Variants in DDX42 observed in about 807,000 individuals in gnomAD.
DDX42 encodes ATP-dependent RNA helicase DDX42.
Under a neutral mutation model 101.5 loss-of-function variants are expected in DDX42, and 22 were observed. That is an observed-to-expected ratio of 0.22 (90% CI 0.15 to 0.31). DDX42 has a LOEUF of 0.31. Ranked by LOEUF, DDX42 falls within the 10% of genes least tolerant of loss-of-function variation. DDX42 has a pLI of 1.00. For synonymous variants in DDX42, 402 were observed against 401.2 expected (o/e 1.00, Z -0.02); for missense variants, 849 against 1,199.9 (o/e 0.71, Z 4.32).
At chr17:63,800,259 T>C in intron 5 of DDX42, 7 of 491,256 alleles carry the variant, frequency 1.4e-5, no homozygotes, top group Admixed American at 3.7e-5. Flanking sequence ...AGTTGCAACA[T>C]TTAATAGTAC....
At chr17:63,791,686 C>T (rs2039629638) in intron 2 of DDX42, among the ~76,000 whole-genome samples, 1 of 152,060 alleles carries the variant, frequency 6.6e-6, no homozygotes, top group Non-Finnish European at 1.5e-5. Context: ...GGTTTTTGGT[C>T]TTAAAAGAAT....
chr17:63,790,243 C>T (rs1432018799), intron 2 of DDX42, among the ~76,000 whole-genome samples: 5 of 152,098 alleles, frequency 3.3e-5, no homozygotes, highest in Admixed American at 6.6e-5. Flanking sequence ...ATATATATTG[C>T]ATCGTATAGT....
Position 63,778,292 on chromosome 17 carries a change from A to G in DDX42, c.-17+3916A>G, listed in dbSNP as rs1230509432. 2.0e-5 allele frequency among the ~76,000 whole-genome samples: 3 copies of G among 152,354 alleles called. No homozygotes were observed. In the East Asian group the frequency reaches 5.8e-4, roughly 29 times the overall value. ...AAGATTTGCTGGTTTTAGATGAAGCATCTGGATGTACATCCACATTACTTT... is the reference window on the plus strand; with the variant it reads ...AAGATTTGCTGGTTTTAGATGAAGCGTCTGGATGTACATCCACATTACTTT... On this transcript the variant is annotated intron_variant, in intron 1 of 17. Coordinates refer to ENST00000389924, the MANE Select transcript of DDX42 (RefSeq NM_203499.3).
intron 4 of DDX42, 176 bp from the exon 5 acceptor site, chr17:63,799,413 C>T (rs1262263808): frequency 5.7e-6 from 3 of 530,536 alleles, no homozygotes; most frequent in African/African-American, 1.9e-5. Context: ...TTATAGAGTG[C>T]AGCTACACAT....
rs112345375 is a variant in DDX42, at chr17:63,817,805, A to G, written c.2224A>G (p.Thr742Ala). The G allele has an allele frequency of 6.3e-3, 10,234 of 1,614,082 alleles. 44 individuals carry two copies. The highest frequency in any genetic ancestry group is 7.7e-3 in the Non-Finnish European group (9,139 of 1,180,010). The change falls in exon 18 of 18, where the codon ACT (threonine) becomes GCT (alanine). Residue 742 changes from threonine to alanine, a missense_variant. Physicochemically the swap from Thr to Ala is moderately conservative, Grantham distance 58 (BLOSUM62 0). Around this residue, in one of 5 missense-constraint regions of DDX42, gnomAD observed 300 missense variants for 304.9 expected, o/e 0.98. Coordinates refer to ENST00000389924, the MANE Select transcript of DDX42 (RefSeq NM_203499.3). Reference protein sequence around the residue: ...TSAGSLNSVPTNSAQQGHNSP... With the variant: ...TSAGSLNSVPANSAQQGHNSP... ...TGCAGGGAGCTTGAATTCTGTTCCA[A>G]CTAACTCAGCACAACAGGGCCATAA...
At chr17:63,786,973 G>A in intron 1 of DDX42, 61 bp from the exon 2 acceptor site, 1 of 1,572,162 alleles carries the variant, frequency 6.4e-7, no homozygotes, top group Non-Finnish European at 8.7e-7. Context: ...ACCGCGCCCG[G>A]CCCTTGGGGC....
intron 3 of DDX42, among the ~76,000 whole-genome samples, chr17:63,796,580 T>C (rs1016276727): frequency 6.6e-6 from 1 of 152,242 alleles, no homozygotes; most frequent in Non-Finnish European, 1.5e-5. Flanking sequence ...CCTCCCAAGG[T>C]GCTGGGATTA....
chr17:63,779,274 G>GT (rs1227255354), intron 1 of DDX42, among the ~76,000 whole-genome samples: 2 of 151,834 alleles, frequency 1.3e-5, no homozygotes, highest in East Asian at 1.9e-4. Context: ...TTTTGGTTTT[G>GT]TTTTTTTGAG....
At chr17:63,789,453 A>G (rs1256234622) in intron 2 of DDX42, among the ~76,000 whole-genome samples, 1 of 151,020 alleles carries the variant, frequency 6.6e-6, no homozygotes, top group Non-Finnish European at 1.5e-5. Flanking sequence ...GGCTCAAGTG[A>G]TCCTCCCGCC....
At position 63,817,778 on chromosome 17, in the gene DDX42, A is replaced by G. The variant is rs2039994452; in HGVS notation, c.2197A>G (p.Ser733Gly). The G allele has an allele frequency of 6.2e-7, 1 of 1,614,132 alleles. No individual in the cohort carries two copies. Among genetic ancestry groups the G allele is most frequent in the Admixed American group, 1.7e-5 (1 of 60,008 alleles). ...SSAAGASGWT[S>G]AGSLNSVPTN... ...TGCTGCTGGGGCAAGTGGGTGGACTAGTGCAGGGAGCTTGAATTCTGTTCC... is the reference window on the plus strand; with the variant it reads ...TGCTGCTGGGGCAAGTGGGTGGACTGGTGCAGGGAGCTTGAATTCTGTTCC... The change falls in exon 18 of 18, where the codon AGT becomes GGT. Residue 733 changes from serine (S) to glycine (G), a missense_variant. Physicochemically the swap from Ser to Gly is moderately conservative, Grantham distance 56. Transcript: ENST00000389924.
chr17:63,799,842 C>T (rs2039740799), intron 5 of DDX42, among the ~76,000 whole-genome samples: 1 of 152,292 alleles, frequency 6.6e-6, no homozygotes, highest in Admixed American at 6.5e-5. Flanking sequence ...TCAACTGTGA[C>T]ATCCAAAGCA....
At chr17:63,778,791 C>CT (rs1253903284) in intron 1 of DDX42, among the ~76,000 whole-genome samples, 1 of 152,148 alleles carries the variant, frequency 6.6e-6, no homozygotes, top group African/African-American at 2.4e-5. Context: ...TGGGTGCGCG[C>CT]CATCACGCCT....
rs148690778 is a variant in DDX42, at chr17:63,792,700, A to G, written c.372+138A>G. ...TTTGAGAATTTTGCTCCAGTAGTCT[A>G]TAGTTGCATATATCTACTTCCACTT... On this transcript the variant is annotated intron_variant, in intron 3 of 17. Transcript: ENST00000389924. 3,784 of 832,356 alleles carry G rather than the reference A, an allele frequency of 4.5e-3. 18 individuals carry two copies. The highest frequency in any genetic ancestry group is 6.6e-3 in the South Asian group (302 of 45,834). 51.6% of individuals were successfully genotyped at this position (832,356 alleles called of 1,614,324 possible).
Position 63,774,219 on chromosome 17 carries a change from CGGTGGCGGCGGCGGTGGTGGT to C in DDX42, c.-159_-139del, listed in dbSNP as rs1029565498. Reference sequence around the variant, plus strand: ...GGCCGTGAGGCGGTGGCGGTGGTGGCGGTGGCGGCGGCGGTGGTGGTGGTGGCGGCGGCGGCGGCGAAGGGG... The same window carrying C: ...GGCCGTGAGGCGGTGGCGGTGGTGGCGGTGGCGGCGGCGGCGGCGAAGGGG... On this transcript the variant is annotated 5_prime_UTR_variant, in exon 1 of 18. Coordinates refer to ENST00000389924, the MANE Select transcript of DDX42 (RefSeq NM_203499.3). The C allele has an allele frequency of 7.8e-5, 15 of 192,656 alleles. No individual in the cohort carries two copies. Among genetic ancestry groups the C allele is most frequent in the East Asian group, 1.8e-4 (2 of 10,850 alleles). 11.9% of individuals were successfully genotyped at this position (192,656 alleles called of 1,614,324 possible).
chr17:63,778,306 C>T (rs1328516456), intron 1 of DDX42, among the ~76,000 whole-genome samples: 1 of 152,154 alleles, frequency 6.6e-6, no homozygotes, highest in Non-Finnish European at 1.5e-5. Flanking sequence ...GGATGTACAT[C>T]CACATTACTT....
intron 14 of DDX42, 86 bp from the exon 15 acceptor site, chr17:63,813,142 T>C: frequency 7.9e-7 from 1 of 1,261,570 alleles, no homozygotes; most frequent in East Asian, 2.5e-5. Context: ...AAAGGAAATG[T>C]GGCTTATTAG....
intron 1 of DDX42, among the ~76,000 whole-genome samples, chr17:63,785,992 T>C (rs563939986): frequency 6.6e-6 from 1 of 152,312 alleles, no homozygotes; most frequent in East Asian, 1.9e-4. Context: ...TCTTTTCATA[T>C]CTCCAGTGGC....
intron 2 of DDX42, among the ~76,000 whole-genome samples, chr17:63,791,260 C>G (rs1355415568): frequency 6.6e-6 from 1 of 152,184 alleles, no homozygotes; most frequent in Non-Finnish European, 1.5e-5. Context: ...GATGTCCTTT[C>G]TGAATACTTA....
intron 1 of DDX42, among the ~76,000 whole-genome samples, chr17:63,782,715 T>C (rs991839455): frequency 6.6e-6 from 1 of 152,196 alleles, no homozygotes; most frequent in Non-Finnish European, 1.5e-5. Flanking sequence ...TTTGTCGCTT[T>C]ATACCTGCGT....
Sources: allele counts gnomAD v4.1 joint callset (sites outside exome capture counted in the v4.1 genomes callset), GRCh38; gene constraint gnomAD v4.1.1; regional missense constraint gnomAD v4.1.1; transcripts MANE v1.5; gene names NCBI Gene and HGNC (gene_info 2026-07-23, HGNC 2026-07-21).